The following EXOC2 variants were observed in gnomAD, a reference collection of about 807,000 sequenced individuals.
The protein encoded by EXOC2 is exocyst complex component 2, also known as SEC5-like 1.
A neutral mutation model predicts 131.8 loss-of-function variants in EXOC2; 70 were observed. The observed-to-expected ratio is 0.53, with a 90% confidence interval of 0.44 to 0.65. EXOC2 has a LOEUF of 0.65. Among genes scored for constraint, EXOC2 ranks in the 30% least tolerant of loss-of-function variants. The pLI, the probability that EXOC2 is intolerant of heterozygous loss-of-function variation, is 0.00. For missense variants in EXOC2, 923 were observed against 1,108.6 expected (o/e 0.83, Z 2.38); for synonymous variants, 411 against 398.4 (o/e 1.03, Z -0.38).
In EXOC2 at chr6:638,654, C is replaced by T. The variant is rs371917315; in HGVS notation, c.-43-793G>A. On this transcript the variant is annotated intron_variant, in intron 1 of 27. Coordinates refer to ENST00000230449, the MANE Select transcript of EXOC2 (RefSeq NM_018303.6). ...CAAGCAATAAATAATAAAAGTTTGC[C>T]GGGTGCGGTGGCTCATGCCTGTAAT... Among the ~76,000 whole-genome samples the T allele has an allele frequency of 5.9e-5, 9 of 152,340 alleles. No homozygotes were observed. In the South Asian group the frequency reaches 6.2e-4, roughly 11 times the overall value.
chr6:557,086 T>C (rs977519476), intron 17 of EXOC2, among the ~76,000 whole-genome samples: 3 of 152,190 alleles, frequency 2.0e-5, no homozygotes, highest in Admixed American at 1.3e-4. Flanking sequence ...CCTGAAAATA[T>C]GCCCAACCAA....
intron 12 of EXOC2, among the ~76,000 whole-genome samples, chr6:574,206 A>G (rs975327705): frequency 3.3e-5 from 5 of 152,256 alleles, no homozygotes; most frequent in Non-Finnish European, 7.3e-5. Flanking sequence ...TATATCATTT[A>G]GCACATGCTC....
chr6:622,751 T>C (rs1761357017), intron 4 of EXOC2, among the ~76,000 whole-genome samples: 1 of 152,204 alleles, frequency 6.6e-6, no homozygotes, highest in African/African-American at 2.4e-5. Flanking sequence ...CCTAAACAGT[T>C]ACAATGCTTA....
intron 1 of EXOC2, among the ~76,000 whole-genome samples, chr6:662,191 AAC>A (rs1763450566): frequency 6.6e-6 from 1 of 152,226 alleles, no homozygotes; most frequent in Non-Finnish European, 1.5e-5. Flanking sequence ...GACAAACAGA[AAC>A]ACAATAATAG....
chr6:633,719 C>T (rs567895532), intron 2 of EXOC2, among the ~76,000 whole-genome samples: 18 of 152,346 alleles, frequency 1.2e-4, no homozygotes, highest in African/African-American at 4.3e-4. Flanking sequence ...GTGTCAGCTG[C>T]TGGCATAGTA....
At chr6:649,622 T>TA (rs1480365972) in intron 1 of EXOC2, among the ~76,000 whole-genome samples, 7 of 152,256 alleles carry the variant, frequency 4.6e-5, no homozygotes, top group Non-Finnish European at 1.0e-4. Context: ...GGAGGGTCCT[T>TA]ATGGAAATTA....
chr6:686,017 C>T (rs1424089463), intron 1 of EXOC2, among the ~76,000 whole-genome samples: 2 of 147,020 alleles, frequency 1.4e-5, no homozygotes, highest in African/African-American at 5.0e-5. Context: ...TGTCACTAGG[C>T]TGAAGTGCAG....
At position 508,437 on chromosome 6, in the gene EXOC2, T is replaced by A. The variant is rs577816994; in HGVS notation, c.2381-8737A>T. Reference sequence around the variant, plus strand: ...CACAGTAGCTTCACTGCCCTAAAACTCCTCTGTGCTCCCTCCTTCCCCAGT... The same window carrying A: ...CACAGTAGCTTCACTGCCCTAAAACACCTCTGTGCTCCCTCCTTCCCCAGT... On this transcript the variant is annotated intron_variant, in intron 23 of 27. Coordinates refer to ENST00000230449, the MANE Select transcript of EXOC2 (RefSeq NM_018303.6). Among the ~76,000 whole-genome samples the A allele has an allele frequency of 2.6e-5, 4 of 152,310 alleles. No individual in the cohort carries two copies. The South Asian group carries it at 6.2e-4, about 24-fold the overall frequency.
intron 11 of EXOC2, among the ~76,000 whole-genome samples, chr6:584,907 A>G (rs1247879871): frequency 6.6e-6 from 1 of 152,220 alleles, no homozygotes; most frequent in Non-Finnish European, 1.5e-5. Flanking sequence ...TCACATTCAG[A>G]ACAAAGAAAA....
chr6:636,774 C>T (rs1257993895), intron 2 of EXOC2, among the ~76,000 whole-genome samples: 1 of 152,184 alleles, frequency 6.6e-6, no homozygotes, highest in African/African-American at 2.4e-5. Context: ...ATTCTGAATG[C>T]ATCTGTATAC....
intron 1 of EXOC2, among the ~76,000 whole-genome samples, chr6:674,158 T>C (rs1164269740): frequency 6.6e-6 from 1 of 152,254 alleles, no homozygotes; most frequent in Non-Finnish European, 1.5e-5. Flanking sequence ...ATAATTCTCA[T>C]GCAATTAGCC....
At chr6:554,351 A>G (rs1210540968) in intron 20 of EXOC2, among the ~76,000 whole-genome samples, 1 of 152,204 alleles carries the variant, frequency 6.6e-6, no homozygotes, top group Non-Finnish European at 1.5e-5. Flanking sequence ...GAAACTTTTA[A>G]TAAGTGTTTT....
At chr6:653,985 A>G (rs747995963) in intron 1 of EXOC2, among the ~76,000 whole-genome samples, 1 of 152,228 alleles carries the variant, frequency 6.6e-6, no homozygotes, top group Non-Finnish European at 1.5e-5. Context: ...TATCAATAGA[A>G]CAACAGAGCC....
At chr6:499,771 T>C (rs1185975991) in intron 23 of EXOC2, 71 bp from the exon 24 acceptor site, 2 of 1,255,014 alleles carry the variant, frequency 1.6e-6, no homozygotes, top group Admixed American at 1.7e-5. Flanking sequence ...GCTGGCAGGC[T>C]GTACCCCATG....
chr6:539,760 C>T (rs1436651925), intron 22 of EXOC2, among the ~76,000 whole-genome samples: 1 of 152,176 alleles, frequency 6.6e-6, no homozygotes, highest in African/African-American at 2.4e-5. Context: ...TCCAATTTGG[C>T]CATCTGTATA....
chr6:649,685 C>T (rs1350469784), intron 1 of EXOC2, among the ~76,000 whole-genome samples: 1 of 152,180 alleles, frequency 6.6e-6, no homozygotes, highest in Non-Finnish European at 1.5e-5. Flanking sequence ...AACCTATTCA[C>T]TGAATAAATA....
intron 23 of EXOC2, among the ~76,000 whole-genome samples, chr6:504,358 G>T (rs570985393): frequency 3.9e-5 from 6 of 152,366 alleles, no homozygotes; most frequent in Middle Eastern, 3.4e-3. Context: ...TCGCGGTGAT[G>T]GCAGAACGAT....
At chr6:558,501 C>T (rs1407906793) in intron 17 of EXOC2, among the ~76,000 whole-genome samples, 6 of 152,132 alleles carry the variant, frequency 3.9e-5, no homozygotes, top group Admixed American at 3.3e-4. Flanking sequence ...ATCTGAAATT[C>T]AACCGTGGGC....
intron 6 of EXOC2, among the ~76,000 whole-genome samples, chr6:615,182 G>GGGGTGTGGGGGT (rs759049307): frequency 8.3e-6 from 1 of 121,032 alleles, no homozygotes; most frequent in Non-Finnish European, 1.6e-5. Context: ...TGTGGGTGTG[G>GGGGTGTGGGGGT]GTGTGTGTGT....
Sources: allele counts gnomAD v4.1 joint callset (sites outside exome capture counted in the v4.1 genomes callset), GRCh38; gene constraint gnomAD v4.1.1; transcripts MANE v1.5; gene names NCBI Gene and HGNC (gene_info 2026-07-23, HGNC 2026-07-21).